The following DYSF variants were observed in gnomAD, a reference collection of about 807,000 sequenced individuals.
DYSF encodes dystrophy-associated fer-1-like 1.
Under a neutral mutation model 274.9 loss-of-function variants are expected in DYSF, and 212 were observed. The observed-to-expected ratio is 0.77, with a 90% CI of 0.69 to 0.86. DYSF has a LOEUF of 0.86. DYSF is among the 40% of genes least tolerant of loss of function. DYSF has a pLI of 0.00. For missense variants in DYSF, 2,666 were observed against 2,783.2 expected, an observed-to-expected ratio of 0.96 and a Z score of 0.95; for synonymous variants, 1,091 against 1,078.7, an observed-to-expected ratio of 1.01 and a Z score of -0.22.
chr2:71,462,300 C>T (rs4622761), upstream of DYSF, among the ~76,000 whole-genome samples: 318 of 152,030 alleles, frequency 2.1e-3, 2 homozygotes, highest in African/African-American at 6.6e-3. Flanking sequence ...TGCCAGGCTG[C>T]GGCTGGGCCA....
At chr2:71,469,529 T>C (rs1293765366) in intron 1 of DYSF, among the ~76,000 whole-genome samples, 1 of 152,156 alleles carries the variant, frequency 6.6e-6, no homozygotes, top group African/African-American at 2.4e-5. Context: ...CAGCCTGCAC[T>C]GTGTGTTTGG....
chr2:71,479,717 C>T (rs765962972), intron 1 of DYSF, among the ~76,000 whole-genome samples: 3 of 152,186 alleles, frequency 2.0e-5, no homozygotes, highest in Non-Finnish European at 4.4e-5. Context: ...AGGGCTTCTG[C>T]CGTGCATCGT....
At chr2:71,518,001 A>G (rs1009362735) in intron 10 of DYSF, among the ~76,000 whole-genome samples, 1 of 152,060 alleles carries the variant, frequency 6.6e-6, no homozygotes, top group Non-Finnish European at 1.5e-5. Context: ...CATCCTGGCC[A>G]TCTTGGGCCA....
At chr2:71,498,829 C>T (rs1384944773) in intron 3 of DYSF, among the ~76,000 whole-genome samples, 1 of 152,116 alleles carries the variant, frequency 6.6e-6, no homozygotes, top group Non-Finnish European at 1.5e-5. Flanking sequence ...TGTCATCATT[C>T]TCTCATTTTT....
chr2:71,643,867 C>T, intron 41 of DYSF, 98 bp from the exon 42 acceptor site: 1 of 916,428 alleles, frequency 1.1e-6, no homozygotes, highest in Non-Finnish European at 1.8e-6. Flanking sequence ...CCTTGTGGTC[C>T]AGAGCGGCCT....
At chr2:71,661,861 C>G (rs1378876748) in intron 45 of DYSF, among the ~76,000 whole-genome samples, 1 of 152,166 alleles carries the variant, frequency 6.6e-6, no homozygotes, top group African/African-American at 2.4e-5. Flanking sequence ...TGAACCAGCC[C>G]TGGCCAGTGA....
At chr2:71,519,055 T>G (rs1030478803) in intron 10 of DYSF, among the ~76,000 whole-genome samples, 3 of 123,586 alleles carry the variant, frequency 2.4e-5, no homozygotes, top group Non-Finnish European at 3.2e-5. Context: ...ATCGCACCAT[T>G]GCACTCCAGC....
rs939195727 is a variant in DYSF, at chr2:71,511,793, C to T, written c.346-14C>T. The T allele has an allele frequency of 4.3e-5, 65 of 1,521,898 alleles. No individual in the cohort carries two copies. The highest frequency in any genetic ancestry group is 5.4e-5 in the Non-Finnish European group (61 of 1,120,416). The allele number at this position is 1,521,898 out of a possible 1,614,324, so 94.3% of individuals were successfully genotyped here. A position where few individuals can be genotyped will look rare whatever the true frequency, so the allele number is the denominator to read the frequency against. On this transcript the variant is annotated splice_polypyrimidine_tract_variant and intron_variant, in intron 4 of 55. Coordinates refer to ENST00000410020, the MANE Select transcript of DYSF (RefSeq NM_001130987.2). ...CAGCGCACCAACCTGTCCCCCACGT[C>T]TCATCTCTTCCAGGCCTCGCTGGTC... is the stretch of plus-strand genomic sequence containing the variant.
At chr2:71,590,421 G>A (rs1202637730) in intron 32 of DYSF, 133 bp downstream of exon 32, 3 of 966,116 alleles carry the variant, frequency 3.1e-6, no homozygotes, top group East Asian at 4.9e-5. Context: ...GGGTCCTGTG[G>A]CTTCTTGGTC....
chr2:71,685,812 C>A (rs1056302073), intron 55 of DYSF, among the ~76,000 whole-genome samples: 1 of 152,122 alleles, frequency 6.6e-6, no homozygotes, highest in African/African-American at 2.4e-5. Context: ...CAATTAGGAG[C>A]CCTGTATTGT....
intron 53 of DYSF, among the ~76,000 whole-genome samples, chr2:71,679,970 A>G (rs2095276059): frequency 6.6e-6 from 1 of 152,170 alleles, no homozygotes; most frequent in African/African-American, 2.4e-5. Flanking sequence ...ATATGTTCCA[A>G]GACCCCCAGG....
chr2:71,571,942 A>T (rs1231616798), intron 29 of DYSF, among the ~76,000 whole-genome samples: 2 of 135,668 alleles, frequency 1.5e-5, no homozygotes, highest in Admixed American at 1.5e-4. Flanking sequence ...TCACACACAG[A>T]TCACACCCAG....
intron 52 of DYSF, among the ~76,000 whole-genome samples, chr2:71,676,538 T>C (rs2095225183): frequency 6.6e-6 from 1 of 152,162 alleles, no homozygotes; most frequent in African/African-American, 2.4e-5. Context: ...AAAATTTTTA[T>C]GGAGACTTTT....
intron 1 of DYSF, among the ~76,000 whole-genome samples, chr2:71,472,112 A>G (rs1306439372): frequency 6.6e-6 from 1 of 152,188 alleles, no homozygotes; most frequent in Non-Finnish European, 1.5e-5. Context: ...CTACTGATGA[A>G]TATTTAGGTT....
intron 41 of DYSF, among the ~76,000 whole-genome samples, chr2:71,623,380 G>A (rs1349230313): frequency 7.4e-6 from 1 of 134,482 alleles, no homozygotes; most frequent in Non-Finnish European, 1.5e-5. Flanking sequence ...CTGTGTCCAC[G>A]TGATCTCATT....
intron 30 of DYSF, among the ~76,000 whole-genome samples, chr2:71,577,409 TACAC>T (rs1230417449): frequency 1.3e-5 from 2 of 148,726 alleles, no homozygotes; most frequent in Non-Finnish European, 3.0e-5. Flanking sequence ...CTAACACCCA[TACAC>T]ACTAACACCT....
chr2:71,593,733 G>A (rs1425508599), intron 32 of DYSF, among the ~76,000 whole-genome samples: 1 of 152,186 alleles, frequency 6.6e-6, no homozygotes, highest in Non-Finnish European at 1.5e-5. Context: ...GTTGTGGTTG[G>A]AGGGATCATA....
intron 40 of DYSF, among the ~76,000 whole-genome samples, 180 bp downstream of exon 40, chr2:71,613,590 G>C (rs535953748): frequency 6.8e-4 from 104 of 152,312 alleles, no homozygotes; most frequent in Non-Finnish European, 1.1e-3. Context: ...GTCTGGCTGA[G>C]GGGGGTGGGG....
Position 71,669,751 on chromosome 2 carries a change from G to A in DYSF, c.5784+5G>A, listed in dbSNP as rs766469404. On this transcript the variant is annotated splice_donor_5th_base_variant and intron_variant, in intron 51 of 55. Transcript: ENST00000410020. ...GTCTGTACCATTGCCAAGAAGGTCA[G>A]TGTCCTTCCGATTCCCTGTGGTGCC... 6.2e-7 allele frequency: 1 copy of A among 1,614,208 alleles called. No individual in the cohort carries two copies. Among genetic ancestry groups the A allele is most frequent in the East Asian group, 2.2e-5 (1 of 44,880 alleles).
Sources: allele counts gnomAD v4.1 joint callset (sites outside exome capture counted in the v4.1 genomes callset), GRCh38; gene constraint gnomAD v4.1.1; transcripts MANE v1.5; gene names NCBI Gene and HGNC (gene_info 2026-07-23, HGNC 2026-07-21).